The following TAOK3 variants were observed in gnomAD, a reference collection of about 807,000 sequenced individuals.
The protein encoded by TAOK3 is serine/threonine-protein kinase TAO3.
In TAOK3, 40 loss-of-function variants were observed where a neutral mutation model predicts 120.4. That is an observed-to-expected ratio of 0.33 (90% CI 0.26 to 0.43). The LOEUF (loss-of-function observed/expected upper bound fraction) is 0.43. Among genes scored for constraint, TAOK3 ranks in the 20% least tolerant of loss-of-function variants. The probability of loss-of-function intolerance (pLI) is 1.00; values close to 1 mark genes in which losing one functional copy is unlikely to be tolerated. For synonymous variants in TAOK3, 355 were observed against 387.5 expected (o/e 0.92, Z 0.99); for missense variants, 821 against 1,112.1 (o/e 0.74, Z 3.72).
intron 1 of TAOK3, among the ~76,000 whole-genome samples, chr12:118,289,769 C>T (rs1385775751): frequency 6.6e-6 from 1 of 151,966 alleles, no homozygotes; most frequent in African/African-American, 2.4e-5. Flanking sequence ...CCAGGGCAGG[C>T]GAATCACCTG....
intron 15 of TAOK3, among the ~76,000 whole-genome samples, chr12:118,179,330 T>G (rs2036546151): frequency 6.6e-6 from 1 of 152,146 alleles, no homozygotes; most frequent in Non-Finnish European, 1.5e-5. Flanking sequence ...GGAAGTCTCA[T>G]GGGGGTGGCA....
At chr12:118,319,713 G>C (rs1262272189) in intron 1 of TAOK3, among the ~76,000 whole-genome samples, 2 of 152,154 alleles carry the variant, frequency 1.3e-5, no homozygotes, top group African/African-American at 2.4e-5. Flanking sequence ...TGGTGAGGAT[G>C]TGAAGACACT....
chr12:118,356,295 C>CTTT (rs949021724), intron 1 of TAOK3, among the ~76,000 whole-genome samples: 52 of 109,278 alleles, frequency 4.8e-4, no homozygotes, highest in Non-Finnish European at 6.0e-4. Context: ...TGGTCACTTT[C>CTTT]TTTTTTTTTT....
intron 12 of TAOK3, 30 bp downstream of exon 12, chr12:118,201,266 T>C: frequency 6.3e-7 from 1 of 1,596,798 alleles, no homozygotes; most frequent in Non-Finnish European, 8.5e-7. Context: ...GGGCATTCTA[T>C]AAGTGCCTGC....
At chr12:118,231,219 T>C (rs1383056205) in intron 9 of TAOK3, among the ~76,000 whole-genome samples, 2 of 152,164 alleles carry the variant, frequency 1.3e-5, no homozygotes, top group African/African-American at 4.8e-5. Context: ...TCCCTGCGTG[T>C]GTTGGCAGGG....
chr12:118,164,610 G>T (rs942013431), intron 17 of TAOK3, among the ~76,000 whole-genome samples: 1 of 151,868 alleles, frequency 6.6e-6, no homozygotes, highest in Non-Finnish European at 1.5e-5. Context: ...TATAGATGGG[G>T]TTTCACCATG....
chr12:118,284,337 A>C (rs183000774), intron 1 of TAOK3, among the ~76,000 whole-genome samples: 1 of 152,322 alleles, frequency 6.6e-6, no homozygotes, highest in Non-Finnish European at 1.5e-5. Flanking sequence ...TTGGCAATAA[A>C]ATTGAAAGCA....
At chr12:118,238,206 A>G in intron 6 of TAOK3, 37 bp from the exon 7 acceptor site, 1 of 1,253,198 alleles carries the variant, frequency 8.0e-7, no homozygotes, top group South Asian at 1.2e-5. Flanking sequence ...GTAGATGATC[A>G]GTTTCATTCC....
At chr12:118,284,094 A>G (rs2042184616) in intron 1 of TAOK3, among the ~76,000 whole-genome samples, 1 of 152,256 alleles carries the variant, frequency 6.6e-6, no homozygotes, top group South Asian at 2.1e-4. Flanking sequence ...AAGAATTGAA[A>G]GAATATAAAC....
chr12:118,221,066 A>T (rs73222058), intron 9 of TAOK3, among the ~76,000 whole-genome samples: 29,018 of 152,192 alleles, frequency 0.19, 2,944 homozygotes, highest in East Asian at 0.26. Flanking sequence ...CCATGCCTGT[A>T]CATTAATGTA....
chr12:118,157,661 G>C (rs963683432), intron 19 of TAOK3, among the ~76,000 whole-genome samples: 4 of 152,208 alleles, frequency 2.6e-5, no homozygotes, highest in Admixed American at 1.3e-4. Flanking sequence ...ACACGGAGTA[G>C]ACTTTTCCAA....
At chr12:118,309,103 C>A (rs577913574) in intron 1 of TAOK3, among the ~76,000 whole-genome samples, 1 of 151,082 alleles carries the variant, frequency 6.6e-6, no homozygotes, top group African/African-American at 2.4e-5. Flanking sequence ...CCAAGGAGGG[C>A]GGGTCACCTG....
chr12:118,226,231 C>T (rs113207385), intron 9 of TAOK3, among the ~76,000 whole-genome samples: 1 of 152,196 alleles, frequency 6.6e-6, no homozygotes, highest in Non-Finnish European at 1.5e-5. Flanking sequence ...AAAAAATTAG[C>T]CAGGCGTGGT....
chr12:118,361,847 C>T (rs1285876763), intron 1 of TAOK3, among the ~76,000 whole-genome samples: 2 of 151,884 alleles, frequency 1.3e-5, no homozygotes, highest in Admixed American at 6.6e-5. Context: ...GGGAATATTG[C>T]ACGATGTTGA....
intron 1 of TAOK3, among the ~76,000 whole-genome samples, chr12:118,366,794 A>G (rs1346643572): frequency 6.6e-6 from 1 of 152,138 alleles, no homozygotes; most frequent in Non-Finnish European, 1.5e-5. Flanking sequence ...TCTAGGTATA[A>G]AATGTTTACT....
intron 4 of TAOK3, 108 bp downstream of exon 4, chr12:118,244,786 G>A: frequency 5.6e-6 from 4 of 716,258 alleles, no homozygotes; most frequent in South Asian, 1.5e-5. Flanking sequence ...CCTCGGCCTC[G>A]CAAAGTGCTG....
At chr12:118,366,583 C>T (rs1193217554) in intron 1 of TAOK3, among the ~76,000 whole-genome samples, 1 of 152,056 alleles carries the variant, frequency 6.6e-6, no homozygotes, top group Non-Finnish European at 1.5e-5. Context: ...TAAAATTGAT[C>T]CCTTCAATAA....
intron 1 of TAOK3, among the ~76,000 whole-genome samples, chr12:118,284,968 T>G (rs928955588): frequency 6.6e-6 from 1 of 151,846 alleles, no homozygotes; most frequent in African/African-American, 2.4e-5. Flanking sequence ...AAATTTAGAT[T>G]GTTATATTTT....
At position 118,355,973 on chromosome 12, in the gene TAOK3, A is replaced by AT. The variant is rs550140398; in HGVS notation, c.-194+16674dup. Among the ~76,000 whole-genome samples, 185 of 152,354 alleles carry AT rather than the reference A, an allele frequency of 1.2e-3. 2 individuals are homozygous for AT. The highest frequency in any genetic ancestry group is 4.3e-3 in the African/African-American group (178 of 41,582). On this transcript the variant is annotated intron_variant, in intron 1 of 20. Transcript: ENST00000392533. ...TTTATCTGCCACACTCTTATTAAAC[A>AT]TTAAACTATCCTGCCAATCCCAAAC...
Sources: gnomAD v4.1 joint callset for allele counts (sites outside exome capture counted in the v4.1 genomes callset) on GRCh38, gnomAD v4.1.1 for gene constraint, MANE v1.5 for transcripts, NCBI Gene and HGNC (gene_info 2026-07-23, HGNC 2026-07-21) for gene names.